The following B3GALT1 variants were observed in gnomAD, a reference collection of about 807,000 sequenced individuals.
B3GALT1 encodes the protein beta-1,3-galactosyltransferase 1, also known as UDP-Gal:betaGlcNAc beta 1,3-galactosyltransferase, polypeptide 1.
A neutral mutation model predicts 23.2 loss-of-function variants in B3GALT1; 10 were observed. The observed-to-expected ratio is 0.43, with a 90% CI of 0.27 to 0.73. The LOEUF (loss-of-function observed/expected upper bound fraction) is 0.73. Ranked by LOEUF, B3GALT1 falls within the 30% of genes least tolerant of loss-of-function variation. The pLI is 0.21. For missense variants in B3GALT1, 299 were observed against 405.4 expected, an observed-to-expected ratio of 0.74 and a Z score of 2.25; for synonymous variants, 156 against 141.5, an observed-to-expected ratio of 1.10 and a Z score of -0.73.
chr2:167,703,010 CCTGT>C (rs1558953532), intron 3 of B3GALT1, among the ~76,000 whole-genome samples: 1 of 152,162 alleles, frequency 6.6e-6, no homozygotes, highest in African/African-American at 2.4e-5. Flanking sequence ...CATACTTGAT[CCTGT>C]CTATTTCTAG....
intron 3 of B3GALT1, among the ~76,000 whole-genome samples, chr2:167,806,841 A>G (rs912537346): frequency 2.0e-5 from 3 of 152,118 alleles, no homozygotes; most frequent in Admixed American, 6.6e-5. Context: ...AAATGAGTTA[A>G]GGAGGATTCC....
chr2:167,535,249 G>T lies in B3GALT1; in HGVS notation c.-410+44972G>T, dbSNP rs1398034653. Among the ~76,000 whole-genome samples, 3 of 152,252 alleles carry T rather than the reference G, an allele frequency of 2.0e-5. No individual in the cohort carries two copies. The South Asian group carries it at 6.2e-4, about 32-fold the overall frequency. On this transcript the variant is annotated intron_variant, in intron 2 of 4. Coordinates refer to ENST00000392690, the MANE Select transcript of B3GALT1 (RefSeq NM_020981.4). Reference sequence around the variant, plus strand: ...TTCCATTTATGGTAGGGATGAGTGTGCAATAAGGCTGAGCATGGCTGAAGA... The same window carrying T: ...TTCCATTTATGGTAGGGATGAGTGTTCAATAAGGCTGAGCATGGCTGAAGA...
At chr2:167,493,100 C>A (rs543008281) in intron 2 of B3GALT1, among the ~76,000 whole-genome samples, 14 of 152,244 alleles carry the variant, frequency 9.2e-5, no homozygotes, top group African/African-American at 3.4e-4. Flanking sequence ...TACAGTGTTA[C>A]ATATGAGGCA....
intron 3 of B3GALT1, among the ~76,000 whole-genome samples, chr2:167,679,114 T>G (rs980310945): frequency 8.5e-6 from 1 of 118,122 alleles, no homozygotes; most frequent in Non-Finnish European, 2.1e-5. Context: ...TTTTGTTTTT[T>G]TGTTTTTGTT....
Position 167,800,395 on chromosome 2 carries a change from A to G in B3GALT1, c.-351-18277A>G, listed in dbSNP as rs1688619595. On this transcript the variant is annotated intron_variant, in intron 3 of 4. Transcript: ENST00000392690. ...CCATTAAGTAAAATGTTTAGGGAGG[A>G]AAAACTCCCACCTGAACTACCCTCC... 2.0e-5 allele frequency among the ~76,000 whole-genome samples: 3 copies of G among 152,158 alleles called. No homozygotes were observed. In the South Asian group the frequency reaches 6.2e-4, roughly 32 times the overall value.
At chr2:167,541,089 A>G (rs1220282783) in intron 2 of B3GALT1, among the ~76,000 whole-genome samples, 1 of 152,168 alleles carries the variant, frequency 6.6e-6, no homozygotes, top group East Asian at 1.9e-4. Context: ...TTTATGCATA[A>G]GCTTTTTTAC....
At chr2:167,804,511 T>G (rs9287888) in intron 3 of B3GALT1, among the ~76,000 whole-genome samples, 1 of 151,744 alleles carries the variant, frequency 6.6e-6, no homozygotes, top group Admixed American at 6.6e-5. Context: ...CAGTGTGTGA[T>G]GTTCCCCTTC....
chr2:167,554,012 A>G lies in B3GALT1; in HGVS notation c.-410+63735A>G, dbSNP rs188105172. Among the ~76,000 whole-genome samples, 10 of 152,240 alleles carry G rather than the reference A, an allele frequency of 6.6e-5. No individual in the cohort carries two copies. In the East Asian group the frequency reaches 1.9e-3, roughly 30 times the overall value. ...CCGTACCTGACTAACCATGTTATGGATTTGCCTCCTGGGGATCTGCGTTTA... is the reference window on the plus strand; with the variant it reads ...CCGTACCTGACTAACCATGTTATGGGTTTGCCTCCTGGGGATCTGCGTTTA... On this transcript the variant is annotated intron_variant, in intron 2 of 4. Transcript: ENST00000392690.
intron 4 of B3GALT1, among the ~76,000 whole-genome samples, chr2:167,844,424 G>GCC (rs747516229): frequency 1.1e-4 from 16 of 152,198 alleles, no homozygotes; most frequent in Non-Finnish European, 2.1e-4. Context: ...TACTATGAGT[G>GCC]CCCCAACTGC....
chr2:167,839,916 C>T (rs1272410915), intron 4 of B3GALT1, among the ~76,000 whole-genome samples: 3 of 152,056 alleles, frequency 2.0e-5, no homozygotes, highest in East Asian at 1.9e-4. Flanking sequence ...CTGAGAAAAA[C>T]AAGCAATGGG....
chr2:167,846,233 A>T (rs1354770225), intron 4 of B3GALT1, among the ~76,000 whole-genome samples: 2 of 152,188 alleles, frequency 1.3e-5, no homozygotes, highest in African/African-American at 4.8e-5. Context: ...AGACACCCAA[A>T]TACAAGAAGC....
chr2:167,696,131 G>C (rs191634139), intron 3 of B3GALT1, among the ~76,000 whole-genome samples: 95 of 152,062 alleles, frequency 6.2e-4, no homozygotes, highest in African/African-American at 2.2e-3. Context: ...AGTTGTCCCT[G>C]TCACACTTTT....
intron 1 of B3GALT1, among the ~76,000 whole-genome samples, chr2:167,325,078 T>C (rs969693516): frequency 2.6e-5 from 4 of 152,200 alleles, no homozygotes; most frequent in Non-Finnish European, 4.4e-5. Flanking sequence ...TCAAATGATA[T>C]CCACATTTTA....
chr2:167,821,752 T>A (rs1450606359), intron 4 of B3GALT1, among the ~76,000 whole-genome samples: 1 of 150,960 alleles, frequency 6.6e-6, no homozygotes, highest in Non-Finnish European at 1.5e-5. Context: ...GTATTTTTTT[T>A]ATCCTTGACA....
At chr2:167,840,426 T>C (rs1410251064) in intron 4 of B3GALT1, among the ~76,000 whole-genome samples, 1 of 151,806 alleles carries the variant, frequency 6.6e-6, no homozygotes, top group African/African-American at 2.4e-5. Flanking sequence ...CATGAAAAAA[T>C]GCTCACCATC....
intron 3 of B3GALT1, among the ~76,000 whole-genome samples, chr2:167,757,379 C>T (rs1389801657): frequency 6.6e-6 from 1 of 152,066 alleles, no homozygotes; most frequent in African/African-American, 2.4e-5. Flanking sequence ...TTTCAGTGAC[C>T]TCAAGTTTCT....
At chr2:167,396,539 T>TG (rs1243392893) in intron 1 of B3GALT1, among the ~76,000 whole-genome samples, 2 of 23,270 alleles carry the variant, frequency 8.6e-5, no homozygotes, top group African/African-American at 1.4e-4. Flanking sequence ...TATATATGTG[T>TG]GTGTGTGTGT....
intron 2 of B3GALT1, among the ~76,000 whole-genome samples, chr2:167,563,150 CAGTG>C (rs897318981): frequency 2.2e-4 from 33 of 152,180 alleles, no homozygotes; most frequent in African/African-American, 6.3e-4. Context: ...GGCCCGGTCT[CAGTG>C]AGCCGCTGGG....
At chr2:167,363,013 G>A (rs112212190) in intron 1 of B3GALT1, among the ~76,000 whole-genome samples, 1 of 151,034 alleles carries the variant, frequency 6.6e-6, no homozygotes, top group Non-Finnish European at 1.5e-5. Flanking sequence ...GTGTCACCAC[G>A]CCCGGCTAAT....
Sources: allele counts gnomAD v4.1 joint callset (sites outside exome capture counted in the v4.1 genomes callset), GRCh38; gene constraint gnomAD v4.1.1; transcripts MANE v1.5; gene names NCBI Gene and HGNC (gene_info 2026-07-23, HGNC 2026-07-21).